FBXW4: variants seen among roughly 807,000 people sequenced by gnomAD.
The protein encoded by FBXW4 is F-box/WD repeat-containing protein 4.
Under a neutral mutation model 61.8 loss-of-function variants are expected in FBXW4, and 40 were observed. That is an observed-to-expected ratio of 0.65 (90% CI 0.50 to 0.84). FBXW4 has a LOEUF of 0.84. Ranked by LOEUF, FBXW4 falls within the 40% of genes least tolerant of loss-of-function variation. FBXW4 has a pLI of 0.00. For synonymous variants in FBXW4, 311 were observed against 313.8 expected (o/e 0.99, Z 0.10); for missense variants, 672 against 753.8 (o/e 0.89, Z 1.27).
At chr10:101,640,053 G>T (rs2064037867) in intron 5 of FBXW4, among the ~76,000 whole-genome samples, 1 of 152,206 alleles carries the variant, frequency 6.6e-6, no homozygotes, top group African/African-American at 2.4e-5. Flanking sequence ...AAAGGGCTTT[G>T]CCAGGCCTCT....
At chr10:101,674,688 A>G (rs1368387722) in intron 2 of FBXW4, among the ~76,000 whole-genome samples, 2 of 152,248 alleles carry the variant, frequency 1.3e-5, no homozygotes, top group Non-Finnish European at 2.9e-5. Context: ...GCATTCTGCT[A>G]CAGTTCAGGG....
chr10:101,688,758 A>G (rs2064558529), intron 1 of FBXW4, among the ~76,000 whole-genome samples: 1 of 152,240 alleles, frequency 6.6e-6, no homozygotes, highest in Admixed American at 6.5e-5. Flanking sequence ...TCTGAAGCTT[A>G]GCAAAAGTCA....
chr10:101,665,372 G>C (rs2064288108), intron 5 of FBXW4, among the ~76,000 whole-genome samples: 1 of 152,116 alleles, frequency 6.6e-6, no homozygotes, highest in African/African-American at 2.4e-5. Context: ...CCAAGGCTGA[G>C]GTGGGAAGAT....
chr10:101,642,882 C>T (rs1337474151), intron 5 of FBXW4, among the ~76,000 whole-genome samples: 4 of 152,158 alleles, frequency 2.6e-5, no homozygotes, highest in South Asian at 2.1e-4. Flanking sequence ...CAGGGCTGGG[C>T]GTGATGCCTA....
chr10:101,628,746 CA>C (rs546177619), intron 5 of FBXW4, among the ~76,000 whole-genome samples: 101 of 152,300 alleles, frequency 6.6e-4, no homozygotes, highest in African/African-American at 2.4e-3. Context: ...TAAAAATTAA[CA>C]TCAAAACACA....
upstream of FBXW4, chr10:101,695,176 G>T (rs2064663898): frequency 1.5e-5 from 15 of 985,342 alleles, no homozygotes; most frequent in Non-Finnish European, 1.8e-5. This position sits in a 1 kb window ranked among gnomAD's most constrained non-coding sequence, Gnocchi z 4.2. Context: ...GGGAGGAGGC[G>T]ACACCATGTC....
At chr10:101,644,173 C>T (rs1480393666) in intron 5 of FBXW4, among the ~76,000 whole-genome samples, 1 of 152,176 alleles carries the variant, frequency 6.6e-6, no homozygotes, top group Non-Finnish European at 1.5e-5. Flanking sequence ...GCTTTTCAGC[C>T]TTTCCAGTGA....
Position 101,694,331 on chromosome 10 carries a change from G to A in FBXW4, c.725+50C>T, listed in dbSNP as rs2064647256. 1.5e-6 allele frequency: 2 copies of A among 1,337,158 alleles called. No individual in the cohort carries two copies. The highest frequency in any genetic ancestry group is 1.9e-6 in the Non-Finnish European group (2 of 1,050,102). 82.8% of individuals were successfully genotyped at this position (1,337,158 alleles called of 1,614,324 possible). On this transcript the variant is annotated intron_variant, in intron 1 of 8. Transcript: ENST00000331272. This position sits in a 1 kb window ranked among gnomAD's most constrained non-coding sequence, Gnocchi z 6.0. ...GCCGCGGCGCCCCGCCCTTTCCCGG[G>A]ACGCGGGGCCGGCTCGGGGCGGGGA...
intron 6 of FBXW4, among the ~76,000 whole-genome samples, chr10:101,616,884 A>G (rs532778601): frequency 2.6e-5 from 4 of 152,372 alleles, no homozygotes; most frequent in African/African-American, 9.6e-5. Flanking sequence ...GTCACAGACA[A>G]AAAGTGACAA....
chr10:101,627,220 A>C (rs2063914597), intron 5 of FBXW4, among the ~76,000 whole-genome samples: 1 of 152,008 alleles, frequency 6.6e-6, no homozygotes, highest in Non-Finnish European at 1.5e-5. Flanking sequence ...AACTGCCTAG[A>C]TGTGACATCT....
intron 6 of FBXW4, among the ~76,000 whole-genome samples, chr10:101,621,321 G>A (rs1484082385): frequency 6.6e-6 from 1 of 152,182 alleles, no homozygotes; most frequent in Admixed American, 6.5e-5. Flanking sequence ...GAGCCAACGA[G>A]TTCGAGACCA....
intron 5 of FBXW4, among the ~76,000 whole-genome samples, chr10:101,643,565 G>A (rs1169423294): frequency 2.0e-5 from 3 of 152,180 alleles, no homozygotes; most frequent in South Asian, 2.1e-4. Flanking sequence ...AGCAGATAGC[G>A]GTCTGTGGGC....
At chr10:101,672,878 G>A in intron 4 of FBXW4, 37 bp downstream of exon 4, 1 of 1,609,714 alleles carries the variant, frequency 6.2e-7, no homozygotes, top group Non-Finnish European at 8.5e-7. Context: ...CTATAGACAG[G>A]AGGGAGTAAT....
Position 101,671,804 on chromosome 10 carries a change from G to C in FBXW4, c.1140+1111C>G, listed in dbSNP as rs1476320005. On this transcript the variant is annotated intron_variant, in intron 4 of 8. Transcript: ENST00000331272. ...TATGAAGTAGGGTAATAGGAAGCAAGTGACAGGAAATTCAGTTTCCATGTT... is the reference window on the plus strand; with the variant it reads ...TATGAAGTAGGGTAATAGGAAGCAACTGACAGGAAATTCAGTTTCCATGTT... 2.0e-5 allele frequency among the ~76,000 whole-genome samples: 3 copies of C among 152,232 alleles called. No homozygotes were observed. The South Asian group carries it at 6.2e-4, about 32-fold the overall frequency.
At chr10:101,625,008 G>T in intron 5 of FBXW4, 198 bp from the exon 6 acceptor site, 1 of 638,206 alleles carries the variant, frequency 1.6e-6, no homozygotes, top group Non-Finnish European at 2.8e-6. Context: ...CCCCAGTGGT[G>T]CCTGGCCAGA....
At chr10:101,617,107 A>G (rs1319563694) in intron 6 of FBXW4, among the ~76,000 whole-genome samples, 2 of 152,296 alleles carry the variant, frequency 1.3e-5, no homozygotes, top group South Asian at 2.1e-4. Flanking sequence ...ACATATCCTG[A>G]GTCCATACTG....
chr10:101,654,119 TAAAAAAAAA>T (rs60568785), intron 5 of FBXW4, among the ~76,000 whole-genome samples: 1 of 118,306 alleles, frequency 8.5e-6, no homozygotes, highest in East Asian at 2.4e-4. Flanking sequence ...GACTCCGTCT[TAAAAAAAAA>T]AAAAAAAAAA....
intron 6 of FBXW4, among the ~76,000 whole-genome samples, chr10:101,620,602 C>T (rs2063860297): frequency 1.3e-5 from 2 of 152,192 alleles, no homozygotes; most frequent in African/African-American, 4.8e-5. Flanking sequence ...TTCTCAGGCT[C>T]CAGGAAGAAC....
At chr10:101,657,857 A>G (rs1340641615) in intron 5 of FBXW4, among the ~76,000 whole-genome samples, 3 of 152,192 alleles carry the variant, frequency 2.0e-5, no homozygotes, top group Non-Finnish European at 4.4e-5. Context: ...GCAAAGCAAA[A>G]TTCAGTATCA....
Sources: allele counts gnomAD v4.1 joint callset (sites outside exome capture counted in the v4.1 genomes callset), GRCh38; gene constraint gnomAD v4.1.1; non-coding constraint Gnocchi (gnomAD v3.1); transcripts MANE v1.5; gene names NCBI Gene and HGNC (gene_info 2026-07-23, HGNC 2026-07-21).